The following CCDC3 variants were observed in gnomAD, a reference collection of about 807,000 sequenced individuals.
CCDC3 encodes the protein coiled-coil domain-containing protein 3.
Under a neutral mutation model 21.4 loss-of-function variants are expected in CCDC3, and 24 were observed. That is an observed-to-expected ratio of 1.12 (90% CI 0.81 to 1.58). CCDC3 has a LOEUF of 1.58. Ranked by LOEUF, CCDC3 falls within the 40% of genes most tolerant of loss-of-function variation. The probability of loss-of-function intolerance (pLI) is 0.00; values close to 1 mark genes in which losing one functional copy is unlikely to be tolerated. For synonymous variants in CCDC3, 186 were observed against 166.0 expected, an observed-to-expected ratio of 1.12 and a Z score of -0.93; for missense variants, 425 against 360.9, an observed-to-expected ratio of 1.18 and a Z score of -1.44.
At chr10:13,083,475 T>C (rs1231755606) in intron 3 of CCDC3, among the ~76,000 whole-genome samples, 1 of 152,258 alleles carries the variant, frequency 6.6e-6, no homozygotes, top group Non-Finnish European at 1.5e-5. Context: ...AAAGACTAAC[T>C]TCCTTCAAGC....
intron 3 of CCDC3, among the ~76,000 whole-genome samples, chr10:13,074,374 C>T (rs1490797936): frequency 4.5e-5 from 4 of 89,606 alleles, no homozygotes; most frequent in Non-Finnish European, 8.3e-5. Context: ...GTAGTAGAGA[C>T]GGGGTTTTTC....
chr10:13,060,981 T>C (rs1040494215), intron 4 of CCDC3, among the ~76,000 whole-genome samples: 2 of 152,196 alleles, frequency 1.3e-5, no homozygotes, highest in African/African-American at 4.8e-5. Context: ...AATAAAGGCA[T>C]GGCCCAAGAT....
At chr10:12,910,011 T>C (rs1303859059) in intron 2 of CCDC3, among the ~76,000 whole-genome samples, 1 of 152,204 alleles carries the variant, frequency 6.6e-6, no homozygotes, top group African/African-American at 2.4e-5. Context: ...GGGAATGCGA[T>C]GGGAATTTAT....
At chr10:13,095,030 T>G (rs1450402897) in intron 3 of CCDC3, among the ~76,000 whole-genome samples, 2 of 152,148 alleles carry the variant, frequency 1.3e-5, no homozygotes, top group Non-Finnish European at 2.9e-5. Context: ...TGATGGAGGC[T>G]TCAACCATAC....
Position 13,001,672 on chromosome 10 carries a change from G to A in CCDC3, c.-102C>T. On this transcript the variant is annotated 5_prime_UTR_variant, in exon 1 of 3. Transcript: ENST00000378825. The stretch of plus-strand genomic sequence containing the variant: ...GCGCTCGGCTGCTCGGGCCGCTCCC[G>A]GGAGCTGAGCGCACCGCTGTCTCCG... The A allele has an allele frequency of 6.3e-6, 5 of 794,604 alleles. No homozygotes were observed. The highest frequency in any genetic ancestry group is 7.7e-6 in the Non-Finnish European group (5 of 646,282). 49.2% of individuals were successfully genotyped at this position (794,604 alleles called of 1,614,324 possible).
At chr10:13,068,789 C>T (rs2099721) in intron 4 of CCDC3, among the ~76,000 whole-genome samples, 78,559 of 151,992 alleles carry the variant, frequency 0.52, 20,580 homozygotes, top group Admixed American at 0.62. Context: ...TAACATGTAA[C>T]TGAAACTACT....
At chr10:12,966,559 A>G (rs1400197407) in intron 2 of CCDC3, among the ~76,000 whole-genome samples, 1 of 152,142 alleles carries the variant, frequency 6.6e-6, no homozygotes, top group African/African-American at 2.4e-5. Context: ...TTCCCAGTCC[A>G]GTCTGCTTCT....
intron 2 of CCDC3, among the ~76,000 whole-genome samples, chr10:12,923,286 C>T (rs1377779132): frequency 1.3e-5 from 2 of 152,200 alleles, no homozygotes; most frequent in South Asian, 2.1e-4. Context: ...AACCAGAGGT[C>T]GCCATGAGAT....
At chr10:12,947,553 C>G (rs566195579) in intron 2 of CCDC3, among the ~76,000 whole-genome samples, 115 of 152,268 alleles carry the variant, frequency 7.6e-4, no homozygotes, top group Non-Finnish European at 1.2e-3. Flanking sequence ...GACTTTGTCA[C>G]CTCAGCTACA....
chr10:12,917,696 CT>C (rs1161112831), intron 2 of CCDC3, among the ~76,000 whole-genome samples: 1 of 152,168 alleles, frequency 6.6e-6, no homozygotes, highest in Non-Finnish European at 1.5e-5. Context: ...GTGAATTTCG[CT>C]TTCTAAAATT....
chr10:12,935,630 TAG>T (rs1834723976), intron 2 of CCDC3, among the ~76,000 whole-genome samples: 2 of 152,152 alleles, frequency 1.3e-5, no homozygotes, highest in Admixed American at 6.5e-5. Context: ...TTGGTTGTCC[TAG>T]AGTTTACAGT....
intron 2 of CCDC3, among the ~76,000 whole-genome samples, chr10:12,983,355 T>A (rs1426706504): frequency 1.3e-5 from 2 of 150,920 alleles, no homozygotes; most frequent in Admixed American, 1.3e-4. Flanking sequence ...GGCAGATCAC[T>A]TCAGGTCAGA....
intron 2 of CCDC3, among the ~76,000 whole-genome samples, chr10:12,911,827 T>C (rs1188322308): frequency 6.6e-6 from 1 of 152,228 alleles, no homozygotes; most frequent in African/African-American, 2.4e-5. Context: ...TCCAAGTCTC[T>C]GGTAACTGCC....
chr10:12,962,031 T>C (rs903095304), intron 2 of CCDC3, among the ~76,000 whole-genome samples: 2 of 152,206 alleles, frequency 1.3e-5, no homozygotes, highest in African/African-American at 4.8e-5. Context: ...TAATGGAACG[T>C]TGCTCTCTGA....
At chr10:13,092,651 G>T (rs1832584660) in intron 3 of CCDC3, among the ~76,000 whole-genome samples, 2 of 152,288 alleles carry the variant, frequency 1.3e-5, no homozygotes, top group East Asian at 1.9e-4. Context: ...TTCAGAAAAA[G>T]GAATGGATGA....
At chr10:13,034,702 AAAAC>A (rs142897479) in intron 5 of CCDC3, among the ~76,000 whole-genome samples, 56,723 of 151,020 alleles carry the variant, frequency 0.38, 11,154 homozygotes, top group East Asian at 0.7. Flanking sequence ...CTCACTGTAA[AAAAC>A]AAACAAACAA....
At chr10:13,075,340 T>C (rs887289359) in intron 3 of CCDC3, among the ~76,000 whole-genome samples, 1 of 152,208 alleles carries the variant, frequency 6.6e-6, no homozygotes, top group Non-Finnish European at 1.5e-5. Flanking sequence ...AATCAGTGGG[T>C]ATTTTTGTTT....
exon 4 of CCDC3, chr10:13,073,909 C>T (rs1240479568): frequency 6.6e-6 from 1 of 152,050 alleles, no homozygotes; most frequent in Non-Finnish European, 1.5e-5. Flanking sequence ...TAGGAAGTAT[C>T]CTCTCTCAGT....
chr10:12,934,133 A>G (rs1187653201), intron 2 of CCDC3, among the ~76,000 whole-genome samples: 1 of 152,148 alleles, frequency 6.6e-6, no homozygotes, highest in Non-Finnish European at 1.5e-5. Flanking sequence ...TTGGTAAGTT[A>G]TATCTTCATT....
Sources: allele counts gnomAD v4.1 joint callset (sites outside exome capture counted in the v4.1 genomes callset), GRCh38; gene constraint gnomAD v4.1.1; transcripts MANE v1.5; gene names NCBI Gene and HGNC (gene_info 2026-07-23, HGNC 2026-07-21).